The following HDGFL2 variants were observed in gnomAD, a reference collection of about 807,000 sequenced individuals.
The protein encoded by HDGFL2 is hepatoma-derived growth factor-related protein 2.
In HDGFL2, 36 loss-of-function variants were observed where a neutral mutation model predicts 77.1. The ratio of observed to expected loss-of-function variants is 0.47; its 90% CI spans 0.36 to 0.62. The LOEUF is 0.62. HDGFL2 is among the 20% of genes least tolerant of loss of function. The pLI, the probability that HDGFL2 is intolerant of heterozygous loss-of-function variation, is 0.00. For missense variants in HDGFL2, 976 were observed against 973.4 expected (o/e 1.00, Z -0.04); for synonymous variants, 463 against 413.1 (o/e 1.12, Z -1.46).
At chr19:4,480,727 A>G (rs1021981523) in intron 3 of HDGFL2, among the ~76,000 whole-genome samples, 2 of 152,116 alleles carry the variant, frequency 1.3e-5, no homozygotes, top group African/African-American at 4.8e-5. Context: ...TCAAAAAAAA[A>G]GTGGGAGCTG....
intron 4 of HDGFL2, 109 bp from the exon 5 acceptor site, chr19:4,491,457 A>C: frequency 2.3e-6 from 2 of 872,332 alleles, no homozygotes; most frequent in Non-Finnish European, 3.7e-6. Flanking sequence ...CTGGCCCGCC[A>C]GAGAGGTTCC....
chr19:4,494,624 C>G (rs1480870209), intron 9 of HDGFL2, 149 bp downstream of exon 9: 1 of 563,952 alleles, frequency 1.8e-6, no homozygotes, highest in Non-Finnish European at 2.7e-6. Context: ...AGGGGACATT[C>G]ATGGGAGGGA....
chr19:4,493,792 C>A lies in HDGFL2; in HGVS notation c.768C>A (p.Ser256=), dbSNP rs1173341273. The change falls in exon 7 of 16, where the codon TCC becomes TCA. Residue 256 remains serine (S), a synonymous_variant. Coordinates refer to ENST00000616600, the MANE Select transcript of HDGFL2 (RefSeq NM_001001520.3). ...TGGCCATGGCGCGGTCGGCGTCCTC[C>A]TCCTCCTCTTCCTCCTCCTCCTCCG... ...EPVAMARSAS[S]SSSSSSSSDS... 14 of 1,543,982 alleles carry A rather than the reference C, an allele frequency of 9.1e-6. No homozygotes were observed. Among genetic ancestry groups the A allele is most frequent in the Non-Finnish European group, 1.2e-5 (14 of 1,141,888 alleles).
rs183045587 is a variant in HDGFL2, at chr19:4,478,151, G to A, written c.288+2568G>A. Among the ~76,000 whole-genome samples, 669 of 150,628 alleles carry A rather than the reference G, an allele frequency of 4.4e-3. 4 individuals carry two copies. Among genetic ancestry groups the A allele is most frequent in the Admixed American group, 8.9e-3 (134 of 15,054 alleles). ...AGGCATAGATTTAATTGTGTAAGAT[G>A]GGAGCCCTGAAGTTTTTCTTGCCAA... On this transcript the variant is annotated intron_variant, in intron 3 of 15. Transcript: ENST00000616600.
rs948031495 is a variant in HDGFL2 at position 4,476,125 on chromosome 19, C to T, written c.288+542C>T. On this transcript the variant is annotated intron_variant, in intron 3 of 15. Coordinates refer to ENST00000616600, the MANE Select transcript of HDGFL2 (RefSeq NM_001001520.3). ...CAGGATGGTCTCAATCTCCTGACTT[C>T]GTGATCCACCCGCCTCAGCCTCCCA... Among the ~76,000 whole-genome samples, 8 of 148,620 alleles carry T rather than the reference C, an allele frequency of 5.4e-5. No individual in the cohort carries two copies. In the East Asian group the frequency reaches 5.9e-4, roughly 11 times the overall value.
Position 4,485,926 on chromosome 19 carries a change from AC to A in HDGFL2, c.289-2748del, listed in dbSNP as rs527320621. On this transcript the variant is annotated intron_variant, in intron 3 of 15. Transcript: ENST00000616600. Reference sequence around the variant, plus strand: ...ACGTTAGCCAGGTGTGGTGGTGCAAACCTGTAGTTTCAGCTGCTCAGGAGGC... The same window carrying A: ...ACGTTAGCCAGGTGTGGTGGTGCAAACTGTAGTTTCAGCTGCTCAGGAGGC... Among the ~76,000 whole-genome samples, 243 of 145,344 alleles carry A rather than the reference AC, an allele frequency of 1.7e-3. 1 individual carries two copies. Among genetic ancestry groups the A allele is most frequent in the African/African-American group, 5.1e-3 (200 of 39,128 alleles).
chr19:4,494,211 C>T lies in HDGFL2; in HGVS notation c.960C>T (p.Asp320=). The change falls in exon 9 of 16, where the codon GAC becomes GAT. Residue 320 remains aspartate (D), a synonymous_variant. Transcript: ENST00000616600. ...VDRISEWKRR[D]EARRRELEAR... ...GCATCAGTGAGTGGAAGCGGCGGGA[C>T]GAGGCGCGGAGGCGCGAGCTGGAGG... is the stretch of plus-strand genomic sequence containing the variant. The T allele has an allele frequency of 2.7e-6, 4 of 1,471,982 alleles. No individual in the cohort carries two copies. Among genetic ancestry groups the T allele is most frequent in the Non-Finnish European group, 3.6e-6 (4 of 1,115,438 alleles). The allele number at this position is 1,471,982 out of a possible 1,614,324, so 91.2% of individuals were successfully genotyped here.
intron 10 of HDGFL2, chr19:4,497,076 T>C (rs913557146): frequency 2.1e-5 from 9 of 418,824 alleles, no homozygotes; most frequent in African/African-American, 1.7e-4. Flanking sequence ...GGTTTCATCA[T>C]GTTGGCCAGG....
chr19:4,498,651 C>T (rs1013210464), intron 12 of HDGFL2, among the ~76,000 whole-genome samples, 163 bp from the exon 13 acceptor site: 4 of 152,066 alleles, frequency 2.6e-5, no homozygotes, highest in African/African-American at 7.2e-5. Flanking sequence ...TCTGGCTATC[C>T]CTGGAGTTCC....
intron 3 of HDGFL2, among the ~76,000 whole-genome samples, chr19:4,482,014 G>A (rs1157127270): frequency 6.7e-6 from 1 of 149,262 alleles, no homozygotes; most frequent in Admixed American, 6.8e-5. Flanking sequence ...CTGGAAGTTG[G>A]CTGGCTTTGG....
At chr19:4,495,665 G>A (rs967230773) in intron 9 of HDGFL2, among the ~76,000 whole-genome samples, 2 of 152,122 alleles carry the variant, frequency 1.3e-5, no homozygotes, top group Non-Finnish European at 2.9e-5. Context: ...AGGGAGGTGG[G>A]AGCCATGGAG....
intron 3 of HDGFL2, among the ~76,000 whole-genome samples, chr19:4,478,214 T>C (rs1975122082): frequency 6.6e-6 from 1 of 151,718 alleles, no homozygotes; most frequent in Non-Finnish European, 1.5e-5. Context: ...TTTTTTTGTT[T>C]TTTGTTTTGA....
intron 9 of HDGFL2, among the ~76,000 whole-genome samples, chr19:4,495,918 C>T (rs765723160): frequency 1.2e-4 from 19 of 152,168 alleles, no homozygotes; most frequent in African/African-American, 2.2e-4. Flanking sequence ...CTGGGGCCCA[C>T]GTGCTGGTGC....
At position 4,501,314 on chromosome 19, in the gene HDGFL2, A is replaced by G. The variant is rs779255220; in HGVS notation, c.1913A>G (p.His638Arg). The G allele has an allele frequency of 6.3e-7, 1 of 1,597,258 alleles. No individual in the cohort carries two copies. The stretch of plus-strand genomic sequence containing the variant: ...AGGTGTGGCTCCTCTGAAGACCTGC[A>G]CGAGTGAGTGTCCCGGGCCGTGGGG... ...GPRCGSSEDLHDSVREGPDLD... is the reference protein window; with the variant it reads ...GPRCGSSEDLRDSVREGPDLD... The change falls in exon 15 of 16, where the codon CAC becomes CGC. Residue 638 changes from histidine to arginine, a missense_variant. This residue lies in a region of HDGFL2 where 229 missense variants were observed against 187.3 expected (regional missense o/e 1.22). Coordinates refer to ENST00000616600, the MANE Select transcript of HDGFL2 (RefSeq NM_001001520.3).
intron 3 of HDGFL2, 97 bp from the exon 4 acceptor site, chr19:4,488,579 A>C: frequency 1.8e-6 from 2 of 1,092,626 alleles, no homozygotes; most frequent in Non-Finnish European, 2.6e-6. Flanking sequence ...GACATTCAGG[A>C]TCCCGCATGT....
At chr19:4,486,112 A>G (rs186912181) in intron 3 of HDGFL2, among the ~76,000 whole-genome samples, 2 of 152,012 alleles carry the variant, frequency 1.3e-5, no homozygotes, top group Admixed American at 6.6e-5. Context: ...TCTTCTTAAA[A>G]AAAAGCAGTT....
At chr19:4,497,646 C>A in intron 10 of HDGFL2, 1 of 433,130 alleles carries the variant, frequency 2.3e-6, no homozygotes, top group Non-Finnish European at 4.2e-6. Context: ...CCCTTGAGGG[C>A]CTTTTCCTAG....
intron 11 of HDGFL2, 128 bp from the exon 12 acceptor site, chr19:4,498,178 G>C (rs1371429808): frequency 8.8e-7 from 1 of 1,141,186 alleles, no homozygotes; most frequent in South Asian, 1.4e-5. Context: ...CTCCAGGGGT[G>C]GGGGCTGAGC....
At chr19:4,496,904 T>C (rs73540147) in intron 10 of HDGFL2, 57,081 of 403,694 alleles carry the variant, frequency 0.14, 5,150 homozygotes, top group African/African-American at 0.28. Context: ...GTCTTGTTCT[T>C]GCTCTTTTGC....
Sources: allele counts gnomAD v4.1 joint callset (sites outside exome capture counted in the v4.1 genomes callset), GRCh38; gene constraint gnomAD v4.1.1; regional missense constraint gnomAD v4.1.1; transcripts MANE v1.5; gene names NCBI Gene and HGNC (gene_info 2026-07-23, HGNC 2026-07-21).